Variants in SNAP29 observed in about 807,000 individuals in gnomAD.
The protein encoded by SNAP29 is synaptosome associated protein 29.
Under a neutral mutation model 27.9 loss-of-function variants are expected in SNAP29, and 13 were observed. That is an observed-to-expected ratio of 0.47 (90% CI 0.30 to 0.74). The LOEUF (loss-of-function observed/expected upper bound fraction) is 0.74, where lower values mean the gene tolerates loss of function less well. Ranked by LOEUF, SNAP29 falls within the 30% of genes least tolerant of loss-of-function variation. The pLI is 0.06. For synonymous variants in SNAP29, 119 were observed against 127.1 expected, an observed-to-expected ratio of 0.94 and a Z score of 0.43; for missense variants, 368 against 336.5, an observed-to-expected ratio of 1.09 and a Z score of -0.73.
In SNAP29 at chr22:20,883,518, C is replaced by T; in HGVS notation, c.568C>T (p.Pro190Ser). Residue 190 changes from proline (P) to serine (S), a missense_variant, in exon 4 of 5, where the codon CCA (proline) becomes TCA (serine). Pro to Ser is a moderately conservative substitution (Grantham distance 74). Transcript: ENST00000215730. ...AGSAMSTDAY[P>S]KNPHLRAYHQ... ...TTCTGCCATGAGTACTGATGCTTAC[C>T]CAAAGAACCCACACCTTCGAGCCTA... 6.2e-7 allele frequency: 1 copy of T among 1,613,784 alleles called. No individual in the cohort carries two copies. The highest frequency in any genetic ancestry group is 8.5e-7 in the Non-Finnish European group (1 of 1,179,760).
Position 20,859,200 on chromosome 22 carries a change from C to A in SNAP29, c.90C>A (p.Asp30Glu), listed in dbSNP as rs1473533647. The A allele has an allele frequency of 6.2e-7, 1 of 1,602,436 alleles. No homozygotes were observed. The highest frequency in any genetic ancestry group is 8.5e-7 in the Non-Finnish European group (1 of 1,175,808). Reference protein sequence around the residue: ...ARPAPWRDARDLPDGPDAPAD... With the variant: ...ARPAPWRDARELPDGPDAPAD... ...CGGCCCCTTGGAGGGACGCCCGAGA[C>A]CTCCCCGACGGGCCCGACGCGCCCG... Residue 30 changes from aspartate (D) to glutamate (E), a missense_variant, in exon 1 of 5, where the codon GAC becomes GAA. Asp to Glu is a conservative substitution (Grantham distance 45). Coordinates refer to ENST00000215730, the MANE Select transcript of SNAP29 (RefSeq NM_004782.4).
intron 1 of SNAP29, among the ~76,000 whole-genome samples, chr22:20,867,391 G>C (rs1453579576): frequency 6.6e-6 from 1 of 152,126 alleles, no homozygotes; most frequent in African/African-American, 2.4e-5. Context: ...CTTGGTGGTG[G>C]CTGGGGCACA....
chr22:20,876,289 G>A (rs374566094), intron 2 of SNAP29, among the ~76,000 whole-genome samples: 4 of 120,800 alleles, frequency 3.3e-5, no homozygotes, highest in Admixed American at 1.0e-4. Context: ...ACAATGTCTC[G>A]CTCTGTCGCC....
intron 1 of SNAP29, among the ~76,000 whole-genome samples, chr22:20,861,883 T>G (rs1422700916): frequency 2.0e-5 from 3 of 152,210 alleles, no homozygotes; most frequent in African/African-American, 7.2e-5. Context: ...TCCACCTGCC[T>G]TGGCCTCCCA....
intron 2 of SNAP29, among the ~76,000 whole-genome samples, chr22:20,875,922 G>A (rs990676138): frequency 1.3e-5 from 2 of 152,064 alleles, no homozygotes; most frequent in African/African-American, 4.8e-5. Flanking sequence ...GCACTTTTGG[G>A]AGGCTAAGGT....
rs141395300 is a variant in SNAP29 at position 20,865,717 on chromosome 22, G to A, written c.238-4620G>A. ...TGGTTTCTTACAATGAAAAGATGCT[G>A]ATTAAAACCATCAAATGAAAAAAGT... On this transcript the variant is annotated intron_variant, in intron 1 of 4. Transcript: ENST00000215730. 1.1e-3 allele frequency among the ~76,000 whole-genome samples: 168 copies of A among 152,310 alleles called. 1 individual carries two copies. In the East Asian group the frequency reaches 0.021, roughly 19 times the overall value.
At chr22:20,862,924 T>C (rs1268324146) in intron 1 of SNAP29, among the ~76,000 whole-genome samples, 3 of 152,180 alleles carry the variant, frequency 2.0e-5, no homozygotes, top group Non-Finnish European at 4.4e-5. Context: ...GGTCTCACTC[T>C]GTCAACCAGG....
intron 2 of SNAP29, among the ~76,000 whole-genome samples, chr22:20,876,255 CTTTTT>C (rs539425477): frequency 7.7e-6 from 1 of 129,600 alleles, no homozygotes; most frequent in Non-Finnish European, 1.6e-5. Flanking sequence ...AAAACTTTGC[CTTTTT>C]TTTTTTTTTT....
chr22:20,890,001 G>C lies in SNAP29; in HGVS notation c.*2165G>C, dbSNP rs536474432. The C allele has an allele frequency of 2.9e-6, 1 of 342,148 alleles. No homozygotes were observed. Among genetic ancestry groups the C allele is most frequent in the Admixed American group, 4.8e-5 (1 of 20,904 alleles). 21.2% of individuals were successfully genotyped at this position (342,148 alleles called of 1,614,324 possible). A position where few individuals can be genotyped will look rare whatever the true frequency, so the allele number is the denominator to read the frequency against. ...GAAGGGGAGTTGCCTTCACTTTTCTGGAAATTTGTCTTCGTCTGACATATT... is the reference window on the plus strand; with the variant it reads ...GAAGGGGAGTTGCCTTCACTTTTCTCGAAATTTGTCTTCGTCTGACATATT... On this transcript the variant is annotated 3_prime_UTR_variant, in exon 5 of 5. Coordinates refer to ENST00000215730, the MANE Select transcript of SNAP29 (RefSeq NM_004782.4).
intron 1 of SNAP29, among the ~76,000 whole-genome samples, chr22:20,868,333 T>A (rs56383436): frequency 0.01 from 1,568 of 152,310 alleles, 22 homozygotes; most frequent in African/African-American, 0.035. Context: ...GTGAAAAACA[T>A]AAACGTTGAA....
chr22:20,879,567 C>T (rs188981611), intron 2 of SNAP29, among the ~76,000 whole-genome samples: 23 of 151,278 alleles, frequency 1.5e-4, no homozygotes, highest in African/African-American at 5.1e-4. Flanking sequence ...AAGAATTGGC[C>T]AAGCATGGTG....
At position 20,889,800 on chromosome 22, in the gene SNAP29, C is replaced by G. The variant is rs1312791531; in HGVS notation, c.*1964C>G. 2 of 153,042 alleles carry G rather than the reference C, an allele frequency of 1.3e-5. No homozygotes were observed. Among genetic ancestry groups the G allele is most frequent in the Non-Finnish European group, 2.9e-5 (2 of 68,636 alleles). 9.5% of individuals were successfully genotyped at this position (153,042 alleles called of 1,614,324 possible). ...TATTTAAAATAAATACATGTAAAGG[C>G]CACTGCCACATTCTCAGCAGACTTC... On this transcript the variant is annotated 3_prime_UTR_variant, in exon 5 of 5. Transcript: ENST00000215730.
intron 1 of SNAP29, chr22:20,859,623 A>G (rs951459283): frequency 1.2e-5 from 6 of 518,090 alleles, no homozygotes; most frequent in Non-Finnish European, 2.1e-5. Flanking sequence ...GGGAAACGCC[A>G]GATTATTTTC....
At chr22:20,871,659 G>T (rs1928594886) in intron 2 of SNAP29, among the ~76,000 whole-genome samples, 1 of 152,058 alleles carries the variant, frequency 6.6e-6, no homozygotes, top group Non-Finnish European at 1.5e-5. Flanking sequence ...GAGGCGGGTG[G>T]ATCACCAAGT....
Position 20,859,068 on chromosome 22 carries a change from G to T in SNAP29, c.-43G>T. On this transcript the variant is annotated 5_prime_UTR_variant, in exon 1 of 5. Transcript: ENST00000215730. ...AGGCCCTGGACGGCGGCGGCAGTGG[G>T]GCTCCTCCTTCTGTTTCCCAGACCG... 1 of 1,509,656 alleles carries T rather than the reference G, an allele frequency of 6.6e-7. No homozygotes were observed. The highest frequency in any genetic ancestry group is 2.3e-5 in the East Asian group (1 of 43,652). 93.5% of individuals were successfully genotyped at this position (1,509,656 alleles called of 1,614,324 possible).
chr22:20,887,651 G>T, intron 4 of SNAP29, 28 bp from the exon 5 acceptor site: 1 of 1,613,998 alleles, frequency 6.2e-7, no homozygotes. Context: ...GTTTGCTCAT[G>T]CCTGCGTGTC....
In SNAP29 at chr22:20,864,468, A is replaced by G. The variant is rs116329748; in HGVS notation, c.237+5121A>G. On this transcript the variant is annotated intron_variant, in intron 1 of 4. Coordinates refer to ENST00000215730, the MANE Select transcript of SNAP29 (RefSeq NM_004782.4). ...CCATCAAGGTGTCCCCGGAACTTAG[A>G]GTAGATACATTGCCAAAAGGTGATA... Among the ~76,000 whole-genome samples the G allele has an allele frequency of 9.4e-3, 1,424 of 152,190 alleles. 15 individuals carry two copies. The highest frequency in any genetic ancestry group is 0.033 in the African/African-American group (1,374 of 41,534).
rs1470733341 is a variant in SNAP29 at position 20,890,339 on chromosome 22, CTG to C, written c.*2506_*2507del. Reference sequence around the variant, plus strand: ...CAAAATGGTGCCAGGGCTGGGCTGACTGTGGGATGGGATTTGGTACTGCAGAC... The same window carrying C: ...CAAAATGGTGCCAGGGCTGGGCTGACTGGGATGGGATTTGGTACTGCAGAC... On this transcript the variant is annotated 3_prime_UTR_variant, in exon 5 of 5. Coordinates refer to ENST00000215730, the MANE Select transcript of SNAP29 (RefSeq NM_004782.4). The C allele has an allele frequency of 1.8e-5, 7 of 398,568 alleles. No individual in the cohort carries two copies. Among genetic ancestry groups the C allele is most frequent in the African/African-American group, 1.4e-4 (7 of 48,722 alleles). The allele number at this position is 398,568 out of a possible 1,614,324, so 24.7% of individuals were successfully genotyped here. A position where few individuals can be genotyped will look rare whatever the true frequency, so the allele number is the denominator to read the frequency against.
chr22:20,884,487 C>A (rs1018033403), intron 4 of SNAP29, among the ~76,000 whole-genome samples: 3 of 152,292 alleles, frequency 2.0e-5, no homozygotes, highest in East Asian at 3.9e-4. Flanking sequence ...GATGTGAGTT[C>A]TTTCTGCCTC....
Sources: allele counts gnomAD v4.1 joint callset (sites outside exome capture counted in the v4.1 genomes callset), GRCh38; gene constraint gnomAD v4.1.1; transcripts MANE v1.5; gene names NCBI Gene and HGNC (gene_info 2026-07-23, HGNC 2026-07-21).